Variants in MSRA observed in about 807,000 individuals in gnomAD.
MSRA encodes the protein methionine sulfoxide reductase A.
A neutral mutation model predicts 31.3 loss-of-function variants in MSRA; 54 were observed. That is an observed-to-expected ratio of 1.73 (90% CI 1.39 to 2.17). The LOEUF (loss-of-function observed/expected upper bound fraction) is 2.17. MSRA is among the 30% of genes most tolerant of loss of function. MSRA has a pLI of 0.00. For synonymous variants in MSRA, 169 were observed against 116.5 expected (o/e 1.45, Z -2.90); for missense variants, 507 against 300.9 (o/e 1.69, Z -5.07).
intron 5 of MSRA, among the ~76,000 whole-genome samples, chr8:10,419,008 G>A (rs565655855): frequency 3.6e-4 from 54 of 151,988 alleles, no homozygotes; most frequent in African/African-American, 1.2e-3. Flanking sequence ...CTACTAAGGC[G>A]GGAGGTGAAT....
intron 3 of MSRA, among the ~76,000 whole-genome samples, chr8:10,283,160 A>ACACACT: frequency 2.1e-5 from 3 of 140,238 alleles, no homozygotes; most frequent in African/African-American, 8.2e-5. Flanking sequence ...ACACACACAC[A>ACACACT]CTCTCACCCT....
intron 2 of MSRA, among the ~76,000 whole-genome samples, chr8:10,228,346 T>G (rs982622900): frequency 1.1e-4 from 17 of 152,222 alleles, no homozygotes; most frequent in African/African-American, 4.1e-4. Flanking sequence ...TGTGGTTTGC[T>G]GTTTCTGTGC....
At chr8:10,159,688 C>T (rs1220803170) in intron 1 of MSRA, among the ~76,000 whole-genome samples, 1 of 152,050 alleles carries the variant, frequency 6.6e-6, no homozygotes, top group African/African-American at 2.4e-5. Flanking sequence ...GAGGGGGTTG[C>T]CTCTTGTAAG....
chr8:10,399,293 A>G (rs1417568401), intron 5 of MSRA, among the ~76,000 whole-genome samples: 1 of 152,226 alleles, frequency 6.6e-6, no homozygotes, highest in Non-Finnish European at 1.5e-5. Flanking sequence ...GTAAGTGTCC[A>G]TAGGTGATAT....
intron 5 of MSRA, among the ~76,000 whole-genome samples, chr8:10,417,618 G>A (rs1808545279): frequency 6.6e-6 from 1 of 152,028 alleles, no homozygotes; most frequent in Non-Finnish European, 1.5e-5. Context: ...CTTACTAGTG[G>A]CTTTATTTAA....
At position 10,245,107 on chromosome 8, in the gene MSRA, T is replaced by A; in HGVS notation, c.215T>A (p.Met72Lys). 1 of 1,611,744 alleles carries A rather than the reference T, an allele frequency of 6.2e-7. No individual in the cohort carries two copies. Residue 72 changes from methionine to lysine, a missense_variant, in exon 3 of 6, where the codon ATG becomes AAG. Met to Lys is a moderately conservative substitution (Grantham distance 95, BLOSUM62 -1). Coordinates refer to ENST00000317173, the MANE Select transcript of MSRA (RefSeq NM_012331.5). ...PEGTQMAVFG[M>K]GCFWGAERKF... ...TTTTTCTTTTTTCTTTTTTAAGGAA[T>A]GGGATGTTTCTGGGGAGCTGAAAGG...
chr8:10,390,073 T>C (rs1806644838), intron 5 of MSRA, among the ~76,000 whole-genome samples: 1 of 152,196 alleles, frequency 6.6e-6, no homozygotes. Flanking sequence ...CTTCTGCAGG[T>C]GCAGCACTGT....
At chr8:10,279,229 C>T (rs114438079) in intron 3 of MSRA, among the ~76,000 whole-genome samples, 94 of 152,192 alleles carry the variant, frequency 6.2e-4, no homozygotes, top group African/African-American at 1.9e-3. Context: ...GCGTGCATTG[C>T]GTGTCTTCCA....
At chr8:10,342,346 C>G (rs766178045) in intron 5 of MSRA, among the ~76,000 whole-genome samples, 37 of 152,206 alleles carry the variant, frequency 2.4e-4, no homozygotes, top group Non-Finnish European at 4.3e-4. Flanking sequence ...AACACACATT[C>G]ATTCCATCAG....
intron 3 of MSRA, among the ~76,000 whole-genome samples, chr8:10,260,739 A>G (rs1798436377): frequency 6.6e-6 from 1 of 152,088 alleles, no homozygotes; most frequent in Non-Finnish European, 1.5e-5. Context: ...GAAAGGAAGG[A>G]AATTACATTG....
At chr8:10,394,342 G>T (rs987523104) in intron 5 of MSRA, among the ~76,000 whole-genome samples, 1 of 152,154 alleles carries the variant, frequency 6.6e-6, no homozygotes, top group Non-Finnish European at 1.5e-5. Context: ...CACACAGGGT[G>T]TCAAGCCATA....
At chr8:10,394,237 C>G (rs1806949871) in intron 5 of MSRA, among the ~76,000 whole-genome samples, 1 of 152,158 alleles carries the variant, frequency 6.6e-6, no homozygotes, top group African/African-American at 2.4e-5. Context: ...AAAGTTAATA[C>G]TATGCATCTG....
At chr8:10,151,730 G>C (rs1056515410) in intron 1 of MSRA, among the ~76,000 whole-genome samples, 2 of 152,158 alleles carry the variant, frequency 1.3e-5, no homozygotes, top group East Asian at 1.9e-4. Flanking sequence ...CACAAGTCTG[G>C]CTGAAATTTA....
At chr8:10,197,983 A>G (rs1188404215) in intron 1 of MSRA, among the ~76,000 whole-genome samples, 1 of 152,134 alleles carries the variant, frequency 6.6e-6, no homozygotes, top group African/African-American at 2.4e-5. Flanking sequence ...CATGGAAGAG[A>G]GGGTGACTGC....
At chr8:10,283,848 C>T (rs1420634699) in intron 3 of MSRA, among the ~76,000 whole-genome samples, 147 of 124,588 alleles carry the variant, frequency 1.2e-3, no homozygotes, top group East Asian at 2.4e-3. Context: ...CACACACACA[C>T]ACACACACAC....
chr8:10,208,628 C>T (rs1445393328), intron 2 of MSRA, among the ~76,000 whole-genome samples: 1 of 152,104 alleles, frequency 6.6e-6, no homozygotes, highest in Non-Finnish European at 1.5e-5. Context: ...CTCCCCTCCC[C>T]TTCTCTCTAG....
At chr8:10,185,498 A>G (rs1806959102) in intron 1 of MSRA, among the ~76,000 whole-genome samples, 1 of 129,780 alleles carries the variant, frequency 7.7e-6, no homozygotes, top group Non-Finnish European at 1.8e-5. Flanking sequence ...CACTGGGGGA[A>G]TCAGCTCTGG....
At chr8:10,241,868 G>C (rs1432812414) in intron 2 of MSRA, among the ~76,000 whole-genome samples, 2 of 152,218 alleles carry the variant, frequency 1.3e-5, no homozygotes, top group Middle Eastern at 3.2e-3. Context: ...TGCACCATGA[G>C]AACACAGTCC....
At chr8:10,404,335 C>G (rs906973335) in intron 5 of MSRA, among the ~76,000 whole-genome samples, 1 of 152,204 alleles carries the variant, frequency 6.6e-6, no homozygotes, top group African/African-American at 2.4e-5. Context: ...ATGCCTTTCT[C>G]CCCAGCCCCG....
Sources: gnomAD v4.1 joint callset for allele counts (sites outside exome capture counted in the v4.1 genomes callset) on GRCh38, gnomAD v4.1.1 for gene constraint, MANE v1.5 for transcripts, NCBI Gene and HGNC (gene_info 2026-07-23, HGNC 2026-07-21) for gene names.